The following SEMA6D variants were observed in gnomAD, a reference collection of about 807,000 sequenced individuals.
SEMA6D encodes semaphorin 6D.
In SEMA6D, 35 loss-of-function variants were observed where a neutral mutation model predicts 106.6. The observed-to-expected ratio is 0.33, with a 90% confidence interval of 0.25 to 0.44. The LOEUF (loss-of-function observed/expected upper bound fraction) is 0.44, where lower values mean the gene tolerates loss of function less well. SEMA6D is among the 20% of genes least tolerant of loss of function. SEMA6D has a pLI of 1.00. For missense variants in SEMA6D, 1,185 were observed against 1,345.9 expected, an observed-to-expected ratio of 0.88 and a Z score of 1.87; for synonymous variants, 499 against 487.7, an observed-to-expected ratio of 1.02 and a Z score of -0.31.
intron 1 of SEMA6D, among the ~76,000 whole-genome samples, chr15:47,315,288 G>T (rs528895579): frequency 6.6e-6 from 1 of 152,264 alleles, no homozygotes; most frequent in Non-Finnish European, 1.5e-5. Flanking sequence ...TAAGATTTGT[G>T]TCTAGATTCA....
chr15:47,595,658 G>A lies in SEMA6D; in HGVS notation c.-86-5207G>A, dbSNP rs537120021. ...TTTTAGGGAGCACTTGAGAAAAATT[G>A]GTATTAGTTCTTCTTTAAATGACCC... is the stretch of plus-strand genomic sequence containing the variant. On this transcript the variant is annotated intron_variant, in intron 3 of 19. Transcript: ENST00000558014. 1.6e-4 allele frequency among the ~76,000 whole-genome samples: 25 copies of A among 152,180 alleles called. No individual in the cohort carries two copies. The South Asian group carries it at 5.0e-3, about 30-fold the overall frequency.
At chr15:47,272,396 G>A (rs565275662) in intron 1 of SEMA6D, among the ~76,000 whole-genome samples, 1 of 152,172 alleles carries the variant, frequency 6.6e-6, no homozygotes, top group African/African-American at 2.4e-5. Flanking sequence ...CATTGAACAA[G>A]GCAGATTCTG....
At chr15:47,365,173 C>T (rs1374293038) in intron 1 of SEMA6D, among the ~76,000 whole-genome samples, 1 of 152,218 alleles carries the variant, frequency 6.6e-6, no homozygotes, top group African/African-American at 2.4e-5. Context: ...AGACGACCTG[C>T]TGATCATCAG....
chr15:47,762,996 G>A lies in SEMA6D; in HGVS notation c.659-20G>A, dbSNP rs1169514803. ...TGAATTATCCTTTAGGAACCAGTTT[G>A]TTTTTAATTTTTCTTTCAGAGCCAC... On this transcript the variant is annotated intron_variant, in intron 8 of 18. Transcript: ENST00000536845. 1 of 1,588,388 alleles carries A rather than the reference G, an allele frequency of 6.3e-7. No individual in the cohort carries two copies. The highest frequency in any genetic ancestry group is 1.1e-5 in the South Asian group (1 of 89,074).
chr15:47,524,926 G>T (rs74565595), intron 3 of SEMA6D, among the ~76,000 whole-genome samples: 1 of 152,138 alleles, frequency 6.6e-6, no homozygotes, highest in African/African-American at 2.4e-5. Flanking sequence ...CAAAAAAAGG[G>T]TTCCTTCATG....
In SEMA6D at chr15:47,768,737, G is replaced by C. The variant is rs775845929; in HGVS notation, c.1922G>C (p.Gly641Ala). 2.5e-6 allele frequency: 4 copies of C among 1,612,852 alleles called. No individual in the cohort carries two copies. The South Asian group carries it at 4.4e-5, about 18-fold the overall frequency. ...NTSDFTDPLS[G>A]IPKGVRWEVQ... Reference sequence around the variant, plus strand: ...TCTGATTTTACTGATCCTTTATCGGGTATCCCAAAGGGTAAGGCCTCAGCA... The same window carrying C: ...TCTGATTTTACTGATCCTTTATCGGCTATCCCAAAGGGTAAGGCCTCAGCA... Residue 641 changes from glycine to alanine, a missense_variant, in exon 18 of 19, where the codon GGT (glycine) becomes GCT (alanine). This residue lies in a region of SEMA6D where 750 missense variants were observed against 783.5 expected (regional missense o/e 0.96). Coordinates refer to ENST00000536845, the MANE Select transcript of SEMA6D (RefSeq NM_001358351.3).
At chr15:47,652,486 C>T (rs1566962017) in intron 4 of SEMA6D, among the ~76,000 whole-genome samples, 1 of 152,284 alleles carries the variant, frequency 6.6e-6, no homozygotes, top group Admixed American at 6.5e-5. Flanking sequence ...GCTCCGCTCC[C>T]CTTCTTCAAA....
chr15:47,366,917 AG>A (rs2039049547), intron 1 of SEMA6D, among the ~76,000 whole-genome samples: 1 of 152,230 alleles, frequency 6.6e-6, no homozygotes, highest in South Asian at 2.1e-4. Context: ...CTGCTTAGCC[AG>A]GTGGGCTCTA....
intron 1 of SEMA6D, among the ~76,000 whole-genome samples, chr15:47,284,397 C>A (rs990283219): frequency 2.0e-5 from 3 of 152,212 alleles, no homozygotes; most frequent in Admixed American, 2.0e-4. Context: ...CGTTTCTTAA[C>A]CACTAACATA....
Position 47,511,283 on chromosome 15 carries a change from T to C in SEMA6D, c.-87+40738T>C, listed in dbSNP as rs1007196100. On this transcript the variant is annotated intron_variant, in intron 3 of 19. Coordinates refer to the SEMA6D transcript ENST00000558014. ...TCTGTGTCCTTGTTCTGTTTGAAGATCACCACCTTGGCACTTCATGCAGAA... is the reference window on the plus strand; with the variant it reads ...TCTGTGTCCTTGTTCTGTTTGAAGACCACCACCTTGGCACTTCATGCAGAA... 1.3e-4 allele frequency among the ~76,000 whole-genome samples: 20 copies of C among 152,236 alleles called. 1 individual carries two copies. Among genetic ancestry groups the C allele is most frequent in the Non-Finnish European group, 2.6e-4 (18 of 68,042 alleles).
intron 1 of SEMA6D, among the ~76,000 whole-genome samples, chr15:47,209,574 A>G (rs1266909229): frequency 6.6e-6 from 1 of 152,218 alleles, no homozygotes; most frequent in Admixed American, 6.5e-5. Flanking sequence ...ACGCTGTAAC[A>G]TATTCCACTG....
rs2081921428 is a variant in SEMA6D, at chr15:47,759,030, A to G, written c.-54-715A>G. On this transcript the variant is annotated intron_variant, in intron 1 of 18. Coordinates refer to ENST00000536845, the MANE Select transcript of SEMA6D (RefSeq NM_001358351.3). ...GGTTTGTGTCCAAATGGTTTTATGT[A>G]AAAACGTAGACTTCCCTGGTGGCCT... Among the ~76,000 whole-genome samples, 4 of 152,160 alleles carry G rather than the reference A, an allele frequency of 2.6e-5. No individual in the cohort carries two copies. In the South Asian group the frequency reaches 8.3e-4, roughly 32 times the overall value.
At chr15:47,268,835 A>G (rs1435275082) in intron 1 of SEMA6D, among the ~76,000 whole-genome samples, 1 of 152,054 alleles carries the variant, frequency 6.6e-6, no homozygotes. Context: ...CGCTTTGAGT[A>G]ATTATGTCTC....
intron 2 of SEMA6D, among the ~76,000 whole-genome samples, chr15:47,462,447 A>G (rs1330994058): frequency 6.6e-6 from 1 of 152,086 alleles, no homozygotes; most frequent in Non-Finnish European, 1.5e-5. Context: ...CTCTCTTCTC[A>G]GACGGGAACT....
chr15:47,282,426 C>A (rs1402550135), intron 1 of SEMA6D, among the ~76,000 whole-genome samples: 2 of 151,984 alleles, frequency 1.3e-5, no homozygotes, highest in Non-Finnish European at 2.9e-5. Flanking sequence ...CTCACAGTAT[C>A]CTATTATATT....
intron 4 of SEMA6D, among the ~76,000 whole-genome samples, chr15:47,688,078 A>G (rs1468115724): frequency 1.3e-5 from 2 of 152,206 alleles, no homozygotes; most frequent in African/African-American, 2.4e-5. Flanking sequence ...ACATATATGT[A>G]GTAACTAAAA....
At chr15:47,693,339 C>G in intron 4 of SEMA6D, among the ~76,000 whole-genome samples, 1 of 152,102 alleles carries the variant, frequency 6.6e-6, no homozygotes, top group East Asian at 1.9e-4. Flanking sequence ...GACTTCTGGC[C>G]CCTAGAACTG....
chr15:47,719,356 T>C (rs527559821), intron 1 of SEMA6D, among the ~76,000 whole-genome samples: 4 of 152,308 alleles, frequency 2.6e-5, no homozygotes, highest in African/African-American at 9.6e-5. Flanking sequence ...TCAACAGTCA[T>C]TGGACCTTAT....
chr15:47,551,269 G>A (rs1176536099), intron 3 of SEMA6D, among the ~76,000 whole-genome samples: 3 of 152,052 alleles, frequency 2.0e-5, no homozygotes, highest in Non-Finnish European at 4.4e-5. Context: ...TTGGCCAGCT[G>A]GGGGCACACT....
Sources: allele counts gnomAD v4.1 joint callset (sites outside exome capture counted in the v4.1 genomes callset), GRCh38; gene constraint gnomAD v4.1.1; regional missense constraint gnomAD v4.1.1; transcripts MANE v1.5; gene names NCBI Gene and HGNC (gene_info 2026-07-23, HGNC 2026-07-21).